The following DYNC1LI1 variants were observed in gnomAD, a reference collection of about 807,000 sequenced individuals.
DYNC1LI1 encodes the protein cytoplasmic dynein 1 light intermediate chain 1.
DYNC1LI1 carries 19 observed loss-of-function variants against 63.8 expected under a neutral mutation model. The ratio of observed to expected loss-of-function variants is 0.30; its 90% CI spans 0.21 to 0.44. DYNC1LI1 has a LOEUF of 0.44. DYNC1LI1 is among the 20% of genes least tolerant of loss of function. The pLI is 1.00. For synonymous variants in DYNC1LI1, 225 were observed against 232.3 expected (o/e 0.97, Z 0.28); for missense variants, 565 against 630.2 (o/e 0.90, Z 1.11).
chr3:32,570,259 C>G (rs1698326868), intron 2 of DYNC1LI1, 87 bp downstream of exon 2: 1 of 1,130,262 alleles, frequency 8.8e-7, no homozygotes, highest in Admixed American at 2.0e-5. Flanking sequence ...GCTGTCCGCA[C>G]AAAGAGAGCC....
At chr3:32,554,725 G>C (rs563462166) in intron 2 of DYNC1LI1, among the ~76,000 whole-genome samples, 3 of 152,122 alleles carry the variant, frequency 2.0e-5, no homozygotes, top group African/African-American at 7.2e-5. Context: ...GCTTTGGCAG[G>C]AAGAAGGTTC....
intron 7 of DYNC1LI1, among the ~76,000 whole-genome samples, chr3:32,534,036 C>CA (rs1697741009): frequency 2.0e-5 from 3 of 151,752 alleles, no homozygotes; most frequent in African/African-American, 7.3e-5. Context: ...ACCACCACAC[C>CA]CGGGCTAATT....
chr3:32,562,149 G>A (rs1178481039), intron 2 of DYNC1LI1, among the ~76,000 whole-genome samples: 3 of 152,088 alleles, frequency 2.0e-5, no homozygotes, highest in African/African-American at 7.2e-5. Context: ...TGTAGTCCCA[G>A]TTACTCAGGA....
chr3:32,532,749 C>A, intron 8 of DYNC1LI1: 1 of 545,824 alleles, frequency 1.8e-6, no homozygotes. Flanking sequence ...TCTGCACTAA[C>A]AATTGCTAAT....
intron 12 of DYNC1LI1, among the ~76,000 whole-genome samples, 192 bp downstream of exon 12, chr3:32,528,254 C>A (rs1320433837): frequency 6.6e-6 from 1 of 150,556 alleles, no homozygotes; most frequent in South Asian, 2.1e-4. Flanking sequence ...GACAAATCCA[C>A]AGAGGAAAGA....
At position 32,529,655 on chromosome 3, in the gene DYNC1LI1, G is replaced by A. The variant is rs35635747; in HGVS notation, c.1191C>T (p.Ala397=). Reference sequence around the variant, plus strand: ...GGGAGCCTCCTGGGACTCTTGGTGAGGCATCCTATGTAAAAATAGGAAAAT... The same window carrying A: ...GGGAGCCTCCTGGGACTCTTGGTGAAGCATCCTATGTAAAAATAGGAAAAT... ...PPTAAGRPVD[A]SPRVPGGSPR... is the part of the protein sequence containing the mutation. The change falls in exon 11 of 13, where the codon GCC becomes GCT. Residue 397 remains alanine, a synonymous_variant. Transcript: ENST00000273130. The A allele has an allele frequency of 1.6e-3, 2,579 of 1,590,518 alleles. 42 individuals are homozygous for A. In the African/African-American group the frequency reaches 0.031, roughly 19 times the overall value.
chr3:32,564,189 G>A (rs1698229128), intron 2 of DYNC1LI1, among the ~76,000 whole-genome samples: 1 of 152,150 alleles, frequency 6.6e-6, no homozygotes, highest in South Asian at 2.1e-4. Context: ...CTACAGTCCT[G>A]TATATTCCCA....
intron 2 of DYNC1LI1, among the ~76,000 whole-genome samples, chr3:32,569,463 A>G (rs1259255254): frequency 1.3e-5 from 2 of 152,234 alleles, no homozygotes; most frequent in African/African-American, 4.8e-5. Context: ...AACAACAACA[A>G]CAACAACAAA....
At chr3:32,554,369 T>C (rs1698083325) in intron 2 of DYNC1LI1, among the ~76,000 whole-genome samples, 1 of 152,244 alleles carries the variant, frequency 6.6e-6, no homozygotes, top group South Asian at 2.1e-4. Context: ...ATAAATGTAG[T>C]ATGTTAAACA....
At chr3:32,556,450 G>T (rs1698115913) in intron 2 of DYNC1LI1, among the ~76,000 whole-genome samples, 1 of 152,180 alleles carries the variant, frequency 6.6e-6, no homozygotes, top group African/African-American at 2.4e-5. Flanking sequence ...TGCTTTTAAG[G>T]AGACTGCTTG....
chr3:32,551,421 A>C (rs987781229), intron 2 of DYNC1LI1, among the ~76,000 whole-genome samples: 1 of 152,198 alleles, frequency 6.6e-6, no homozygotes, highest in South Asian at 2.1e-4. Context: ...GGGGAAAGGA[A>C]GCAAAAGGTG....
chr3:32,570,557 G>T, intron 1 of DYNC1LI1, 68 bp downstream of exon 1: 1 of 1,518,902 alleles, frequency 6.6e-7, no homozygotes, highest in Middle Eastern at 1.9e-4. Context: ...CAGCGGGCAC[G>T]GGATCCCGAG....
At position 32,533,207 on chromosome 3, in the gene DYNC1LI1, T is replaced by C. The variant is rs916234655; in HGVS notation, c.969-110A>G. The C allele has an allele frequency of 1.0e-5, 14 of 1,387,858 alleles. No homozygotes were observed. The African/African-American group carries it at 1.2e-4, about 12-fold the overall frequency. 86.0% of individuals were successfully genotyped at this position (1,387,858 alleles called of 1,614,324 possible). On this transcript the variant is annotated intron_variant, in intron 7 of 12. Coordinates refer to ENST00000273130, the MANE Select transcript of DYNC1LI1 (RefSeq NM_016141.4). Reference sequence around the variant, plus strand: ...TTCATGAAGTCAATTTGAACAATTATGGAAAACGAATTAGCTTTTCATTAT... The same window carrying C: ...TTCATGAAGTCAATTTGAACAATTACGGAAAACGAATTAGCTTTTCATTAT...
At chr3:32,551,454 T>A (rs914827211) in intron 2 of DYNC1LI1, among the ~76,000 whole-genome samples, 1 of 152,144 alleles carries the variant, frequency 6.6e-6, no homozygotes, top group African/African-American at 2.4e-5. Context: ...GGAGGCCAGA[T>A]CATGAAAGGC....
At position 32,570,728 on chromosome 3, in the gene DYNC1LI1, G is replaced by T; in HGVS notation, c.43C>A (p.Pro15Thr). The change falls in exon 1 of 13, where the codon CCG (proline) becomes ACG (threonine). Residue 15 changes from proline (P) to threonine (T), a missense_variant. Coordinates refer to ENST00000273130, the MANE Select transcript of DYNC1LI1 (RefSeq NM_016141.4). The part of the protein sequence containing the change: ...GRVGSFGSSP[P>T]GLSSTYTGGP... ...CCAGTGTAAGTCGAGGATAATCCCGGCGGAGAAGAACCGAAGGAGCCGACT... is the reference window on the plus strand; with the variant it reads ...CCAGTGTAAGTCGAGGATAATCCCGTCGGAGAAGAACCGAAGGAGCCGACT... 6.2e-7 allele frequency: 1 copy of T among 1,608,666 alleles called. No individual in the cohort carries two copies. Among genetic ancestry groups the T allele is most frequent in the East Asian group, 2.3e-5 (1 of 44,256 alleles).
In DYNC1LI1 at chr3:32,526,487, T is replaced by C. The variant is rs1337023327; in HGVS notation, c.*312A>G. On this transcript the variant is annotated 3_prime_UTR_variant, in exon 13 of 13. Transcript: ENST00000273130. ...CCCAAATCCTTTTACATGTTTTAAATAGCCTTTAGAATATGATCGATCACA... is the reference window on the plus strand; with the variant it reads ...CCCAAATCCTTTTACATGTTTTAAACAGCCTTTAGAATATGATCGATCACA... The C allele has an allele frequency of 5.6e-6, 1 of 177,200 alleles. No individual in the cohort carries two copies. The highest frequency in any genetic ancestry group is 1.2e-5 in the Non-Finnish European group (1 of 84,270). 11.0% of individuals were successfully genotyped at this position (177,200 alleles called of 1,614,324 possible). A position where few individuals can be genotyped will look rare whatever the true frequency, so the allele number is the denominator to read the frequency against.
At chr3:32,559,935 T>C (rs1698167257) in intron 2 of DYNC1LI1, among the ~76,000 whole-genome samples, 1 of 152,144 alleles carries the variant, frequency 6.6e-6, no homozygotes. Context: ...AGGACCCAGG[T>C]AGGGTGAGGG....
At chr3:32,565,756 C>T (rs2125446738) in intron 2 of DYNC1LI1, among the ~76,000 whole-genome samples, 1 of 152,194 alleles carries the variant, frequency 6.6e-6, no homozygotes, top group Middle Eastern at 3.4e-3. Flanking sequence ...ACTACAGGAG[C>T]CACCACTATG....
chr3:32,562,074 A>G (rs2125445460), intron 2 of DYNC1LI1, among the ~76,000 whole-genome samples: 1 of 152,218 alleles, frequency 6.6e-6, no homozygotes, highest in Admixed American at 6.5e-5. Flanking sequence ...GGAGTTTGAG[A>G]CCAGGCTGGG....
Sources: allele counts gnomAD v4.1 joint callset (sites outside exome capture counted in the v4.1 genomes callset), GRCh38; gene constraint gnomAD v4.1.1; transcripts MANE v1.5; gene names NCBI Gene and HGNC (gene_info 2026-07-23, HGNC 2026-07-21).